Variants in CDYL observed in about 807,000 individuals in gnomAD.
CDYL encodes chromodomain Y like.
In CDYL, 8 loss-of-function variants were observed where a neutral mutation model predicts 47.3. The observed-to-expected ratio is 0.17, with a 90% CI of 0.10 to 0.31. CDYL has a LOEUF of 0.31. Ranked by LOEUF, CDYL falls within the 10% of genes least tolerant of loss-of-function variation. CDYL has a pLI of 1.00. For missense variants in CDYL, 471 were observed against 701.4 expected, an observed-to-expected ratio of 0.67 and a Z score of 3.71; for synonymous variants, 266 against 265.0, an observed-to-expected ratio of 1.00 and a Z score of -0.04.
At chr6:4,775,645 C>A (rs1047418961), upstream of CDYL, among the ~76,000 whole-genome samples, 4 of 150,782 alleles carry the variant, frequency 2.7e-5, no homozygotes, top group Admixed American at 2.0e-4. The surrounding 1 kb of genome is among the most constrained non-coding windows in gnomAD (Gnocchi z 7.0). Context: ...CCCTCCGCCG[C>A]GCCCGGCTCC....
chr6:4,706,479 T>C (rs990434111), intron 1 of CDYL, among the ~76,000 whole-genome samples: 2 of 152,168 alleles, frequency 1.3e-5, no homozygotes, highest in African/African-American at 4.8e-5. Context: ...TCAGATTTTA[T>C]AGAGAATTTA....
intron 3 of CDYL, among the ~76,000 whole-genome samples, chr6:4,763,007 C>CGAGAT (rs1453988531): frequency 1.3e-5 from 2 of 151,874 alleles, no homozygotes; most frequent in Non-Finnish European, 2.9e-5. Flanking sequence ...GCTGAAAACC[C>CGAGAT]AAGACAAAGA....
chr6:4,727,849 G>A (rs1008852921), intron 2 of CDYL, among the ~76,000 whole-genome samples: 2 of 152,066 alleles, frequency 1.3e-5, no homozygotes, highest in African/African-American at 2.4e-5. Flanking sequence ...GGTGACAAAC[G>A]GTATGTTGAC....
intron 1 of CDYL, among the ~76,000 whole-genome samples, chr6:4,849,454 C>A (rs1207591391): frequency 1.3e-5 from 2 of 152,174 alleles, no homozygotes; most frequent in African/African-American, 4.8e-5. Flanking sequence ...ACTAAGGTCA[C>A]TACTGAGCAG....
chr6:4,852,414 A>T (rs1351599582), intron 1 of CDYL, among the ~76,000 whole-genome samples: 5 of 79,386 alleles, frequency 6.3e-5, no homozygotes, highest in Admixed American at 1.7e-4. Flanking sequence ...CCTTCCTTCC[A>T]ATCTTCCTTC....
chr6:4,844,330 A>G (rs543590853), intron 1 of CDYL, among the ~76,000 whole-genome samples: 15 of 152,210 alleles, frequency 9.9e-5, no homozygotes, highest in African/African-American at 3.4e-4. Context: ...TATAGGGAGG[A>G]TCAGGTGGTG....
intron 3 of CDYL, among the ~76,000 whole-genome samples, chr6:4,744,933 T>G (rs912250647): frequency 6.6e-6 from 1 of 152,128 alleles, no homozygotes; most frequent in African/African-American, 2.4e-5. Flanking sequence ...TCAGTCTGGT[T>G]TATGAGGAAA....
intron 2 of CDYL, among the ~76,000 whole-genome samples, chr6:4,921,396 G>C (rs1757713203): frequency 6.6e-6 from 1 of 152,216 alleles, no homozygotes; most frequent in Non-Finnish European, 1.5e-5. Context: ...GTAACAAGAG[G>C]ACTCTAGTTC....
intron 1 of CDYL, among the ~76,000 whole-genome samples, chr6:4,853,492 T>C (rs557536208): frequency 1.3e-5 from 2 of 152,150 alleles, no homozygotes; most frequent in African/African-American, 4.8e-5. Flanking sequence ...TCTTCCTCCT[T>C]CTCCTTCTCA....
At chr6:4,756,586 G>GTGTCTGTGTGTGTC (rs562806607) in intron 3 of CDYL, among the ~76,000 whole-genome samples, 1 of 149,688 alleles carries the variant, frequency 6.7e-6, no homozygotes, top group Non-Finnish European at 1.5e-5. Flanking sequence ...GTGTATGTGT[G>GTGTCTGTGTGTGTC]TGTGTGTGTG....
In CDYL at chr6:4,872,319, T is replaced by C. The variant is rs928397046; in HGVS notation, c.25-19394T>C. On this transcript the variant is annotated intron_variant, in intron 1 of 6. Transcript: ENST00000397588. ...ATTTTGGCATGTCTTGGTGTTTTGA[T>C]TTGGCTTTTTTTTTTTTTTTTTGGT... 4.6e-4 allele frequency among the ~76,000 whole-genome samples: 46 copies of C among 100,200 alleles called. 1 individual carries two copies. Among genetic ancestry groups the C allele is most frequent in the Middle Eastern group, 0.011 (2 of 184 alleles). The allele number at this position is 100,200 out of a possible 152,430, so 65.7% of individuals were successfully genotyped here.
intron 1 of CDYL, among the ~76,000 whole-genome samples, chr6:4,856,404 A>G (rs146943465): frequency 6.6e-6 from 1 of 152,306 alleles, no homozygotes; most frequent in Non-Finnish European, 1.5e-5. Context: ...GAGGCCATGG[A>G]AGTGCACAGT....
intron 1 of CDYL, among the ~76,000 whole-genome samples, chr6:4,889,473 T>C (rs1761982279): frequency 6.6e-6 from 1 of 152,090 alleles, no homozygotes; most frequent in Non-Finnish European, 1.5e-5. Flanking sequence ...TCCGCCCGCC[T>C]TGGCCTCCCA....
At chr6:4,788,607 G>T (rs1411421077) in intron 1 of CDYL, among the ~76,000 whole-genome samples, 1 of 151,764 alleles carries the variant, frequency 6.6e-6, no homozygotes, top group Non-Finnish European at 1.5e-5. Flanking sequence ...CCTGAAGGTG[G>T]GTCAGGAACT....
intron 1 of CDYL, among the ~76,000 whole-genome samples, chr6:4,828,105 C>T (rs1310440757): frequency 6.6e-6 from 1 of 152,136 alleles, no homozygotes; most frequent in African/African-American, 2.4e-5. Flanking sequence ...AGCATGCTTT[C>T]ACTTGAAGCA....
chr6:4,762,274 T>C (rs570136923), intron 3 of CDYL, among the ~76,000 whole-genome samples: 1 of 152,282 alleles, frequency 6.6e-6, no homozygotes, highest in African/African-American at 2.4e-5. Flanking sequence ...TGATTTTAGG[T>C]GACATTTTAG....
chr6:4,803,991 T>G (rs1165511112), intron 1 of CDYL, among the ~76,000 whole-genome samples: 1 of 151,878 alleles, frequency 6.6e-6, no homozygotes, highest in Non-Finnish European at 1.5e-5. Context: ...TTTTTTTTTT[T>G]TTGCTCTCCT....
intron 1 of CDYL, among the ~76,000 whole-genome samples, chr6:4,706,516 G>C (rs2067512961): frequency 1.3e-5 from 2 of 152,080 alleles, no homozygotes; most frequent in East Asian, 3.9e-4. Flanking sequence ...AATTAGGCCG[G>C]GTATGGTGGC....
rs143620511 is a variant in CDYL at position 4,764,172 on chromosome 6, T to C, written c.186+29328T>C. On this transcript the variant is annotated intron_variant, in intron 3 of 8. Transcript: ENST00000328908. ...ATCAAACTGGATTAAAAAATAAAAG[T>C]GTTAATTGTAAGAGACATGTAAAAC... is the stretch of plus-strand genomic sequence containing the variant. Among the ~76,000 whole-genome samples the C allele has an allele frequency of 1.7e-4, 26 of 152,218 alleles. No individual in the cohort carries two copies. In the East Asian group the frequency reaches 4.4e-3, roughly 26 times the overall value.
Sources: allele counts gnomAD v4.1 joint callset (sites outside exome capture counted in the v4.1 genomes callset), GRCh38; gene constraint gnomAD v4.1.1; non-coding constraint Gnocchi (gnomAD v3.1); transcripts MANE v1.5; gene names NCBI Gene and HGNC (gene_info 2026-07-23, HGNC 2026-07-21).